Variants in FAM135A observed in about 807,000 individuals in gnomAD.
FAM135A encodes the protein family with sequence similarity 135 member A, also known as protein FAM135A.
In FAM135A, 79 loss-of-function variants were observed where a neutral mutation model predicts 146.8. The ratio of observed to expected loss-of-function variants is 0.54; its 90% CI spans 0.45 to 0.65. The LOEUF (loss-of-function observed/expected upper bound fraction) is 0.65, where lower values mean the gene tolerates loss of function less well. Ranked by LOEUF, FAM135A falls within the 30% of genes least tolerant of loss-of-function variation. The pLI, the probability that FAM135A is intolerant of heterozygous loss-of-function variation, is 0.00. For missense variants in FAM135A, 1,623 were observed against 1,758.2 expected, an observed-to-expected ratio of 0.92 and a Z score of 1.38; for synonymous variants, 562 against 603.6, an observed-to-expected ratio of 0.93 and a Z score of 1.01.
At chr6:70,508,878 T>C (rs58085250) in intron 12 of FAM135A, among the ~76,000 whole-genome samples, 26,865 of 152,142 alleles carry the variant, frequency 0.18, 2,459 homozygotes, top group Middle Eastern at 0.22. Flanking sequence ...AAAGGTTTAA[T>C]TGTGTTTTAC....
chr6:70,535,704 G>T (rs745436710), intron 18 of FAM135A, among the ~76,000 whole-genome samples: 14 of 152,198 alleles, frequency 9.2e-5, no homozygotes, highest in Non-Finnish European at 4.4e-5. Flanking sequence ...TGAAGTGCTA[G>T]CTACATAAAT....
chr6:70,425,470 A>G (rs1276451642), intron 2 of FAM135A, among the ~76,000 whole-genome samples: 10 of 152,224 alleles, frequency 6.6e-5, no homozygotes, highest in Admixed American at 5.9e-4. Context: ...TGATGTGACT[A>G]TTAAAGTTTA....
intron 11 of FAM135A, among the ~76,000 whole-genome samples, chr6:70,492,547 G>A (rs62421868): frequency 0.14 from 20,434 of 151,122 alleles, 1,863 homozygotes; most frequent in Middle Eastern, 0.22. Flanking sequence ...AAATTTGAAA[G>A]CAAAGGATAG....
At chr6:70,512,666 T>A (rs924725225) in intron 12 of FAM135A, among the ~76,000 whole-genome samples, 8 of 151,884 alleles carry the variant, frequency 5.3e-5, no homozygotes, top group Non-Finnish European at 8.8e-5. Flanking sequence ...GTTGCCTTTT[T>A]ATTACTGACT....
chr6:70,436,774 T>C (rs1773266929), intron 4 of FAM135A, among the ~76,000 whole-genome samples: 1 of 152,236 alleles, frequency 6.6e-6, no homozygotes, highest in African/African-American at 2.4e-5. Context: ...TAACAGTGAA[T>C]GATGGGGCCA....
intron 2 of FAM135A, among the ~76,000 whole-genome samples, chr6:70,422,589 CAAGAGT>C (rs1004262996): frequency 6.6e-6 from 1 of 152,020 alleles, no homozygotes; most frequent in African/African-American, 2.4e-5. Context: ...CAACAGGATA[CAAGAGT>C]AAGAGTGGAA....
At chr6:70,539,067 T>C (rs1349141358) in intron 20 of FAM135A, among the ~76,000 whole-genome samples, 1 of 152,076 alleles carries the variant, frequency 6.6e-6, no homozygotes, top group African/African-American at 2.4e-5. Flanking sequence ...TAAATAACCT[T>C]ACTTCTGACC....
intron 4 of FAM135A, among the ~76,000 whole-genome samples, chr6:70,433,144 G>C (rs1276726281): frequency 6.6e-6 from 1 of 150,624 alleles, no homozygotes; most frequent in Non-Finnish European, 1.5e-5. Flanking sequence ...GCTTGATCTC[G>C]GCTCACTGCA....
At chr6:70,459,066 A>G (rs1778921236) in intron 5 of FAM135A, among the ~76,000 whole-genome samples, 1 of 151,880 alleles carries the variant, frequency 6.6e-6, no homozygotes, top group South Asian at 2.1e-4. Context: ...ATATAGGATG[A>G]TTTTCTTTTA....
chr6:70,482,626 G>A (rs1783942482), intron 10 of FAM135A, among the ~76,000 whole-genome samples: 1 of 151,926 alleles, frequency 6.6e-6, no homozygotes, highest in South Asian at 2.1e-4. Flanking sequence ...ACATTACTTA[G>A]TATTTTAACA....
At chr6:70,523,403 C>T (rs1411770578) in intron 13 of FAM135A, among the ~76,000 whole-genome samples, 3 of 151,926 alleles carry the variant, frequency 2.0e-5, no homozygotes, top group African/African-American at 2.4e-5. Context: ...TGTTGAAGTT[C>T]GGAGGTATGT....
intron 4 of FAM135A, among the ~76,000 whole-genome samples, chr6:70,438,443 G>A (rs549718306): frequency 1.2e-4 from 18 of 152,270 alleles, no homozygotes; most frequent in African/African-American, 2.2e-4. Context: ...GGATGAAATC[G>A]TGCACGTCCC....
chr6:70,551,687 A>T (rs1323106574), intron 20 of FAM135A, among the ~76,000 whole-genome samples: 1 of 152,118 alleles, frequency 6.6e-6, no homozygotes, highest in Non-Finnish European at 1.5e-5. Flanking sequence ...GGGGTTATTG[A>T]TCAGTCCACT....
At chr6:70,416,127 T>G (rs1767500760) in intron 2 of FAM135A, among the ~76,000 whole-genome samples, 1 of 152,196 alleles carries the variant, frequency 6.6e-6, no homozygotes, top group Non-Finnish European at 1.5e-5. Flanking sequence ...ACTAGATAGA[T>G]GTACCAAATA....
intron 11 of FAM135A, among the ~76,000 whole-genome samples, chr6:70,491,522 G>A (rs1465732124): frequency 6.6e-6 from 1 of 151,762 alleles, no homozygotes; most frequent in African/African-American, 2.4e-5. Context: ...CTTTTTCTGA[G>A]AAACTAAATG....
At chr6:70,527,782 T>G (rs1795040213) in intron 15 of FAM135A, among the ~76,000 whole-genome samples, 1 of 152,198 alleles carries the variant, frequency 6.6e-6, no homozygotes, top group Non-Finnish European at 1.5e-5. Flanking sequence ...GTTCTGCTCC[T>G]TCTTATTGGT....
intron 5 of FAM135A, among the ~76,000 whole-genome samples, chr6:70,455,497 C>T (rs1024734170): frequency 2.0e-5 from 3 of 151,922 alleles, no homozygotes; most frequent in Non-Finnish European, 2.9e-5. Flanking sequence ...ATTTATTCTT[C>T]GCTTGGCATA....
At chr6:70,502,139 A>T (rs1048517228) in intron 11 of FAM135A, among the ~76,000 whole-genome samples, 6 of 152,236 alleles carry the variant, frequency 3.9e-5, no homozygotes, top group Admixed American at 2.0e-4. Context: ...GAATCTAAGA[A>T]CATAGGAGTG....
In FAM135A at chr6:70,533,252, G is replaced by T; in HGVS notation, c.3867+1G>T. ...TTTTCTTATGTCTGAGAGAAATCAG[G>T]TACAATATGACAGTGTTTTCAGTGA... is the stretch of plus-strand genomic sequence containing the variant. On this transcript the variant is annotated splice_donor_variant, in intron 17 of 21. Transcript: ENST00000418814. LOFTEE classifies it high-confidence loss of function. 6.2e-7 allele frequency: 1 copy of T among 1,609,256 alleles called. No individual in the cohort carries two copies. Among genetic ancestry groups the T allele is most frequent in the Non-Finnish European group, 8.5e-7 (1 of 1,176,432 alleles).
Sources: allele counts gnomAD v4.1 joint callset (sites outside exome capture counted in the v4.1 genomes callset), GRCh38; gene constraint gnomAD v4.1.1; transcripts MANE v1.5; gene names NCBI Gene and HGNC (gene_info 2026-07-23, HGNC 2026-07-21).